Variants in LTA4H observed in about 807,000 individuals in gnomAD.
LTA4H encodes the protein leukotriene A4 hydrolase, also known as leukotriene A-4 hydrolase.
Under a neutral mutation model 89.8 loss-of-function variants are expected in LTA4H, and 59 were observed. The ratio of observed to expected loss-of-function variants is 0.66; its 90% CI spans 0.53 to 0.82. LTA4H has a LOEUF of 0.82. Among genes scored for constraint, LTA4H ranks in the 40% least tolerant of loss-of-function variants. The probability of loss-of-function intolerance (pLI) is 0.00; values close to 1 mark genes in which losing one functional copy is unlikely to be tolerated. For synonymous variants in LTA4H, 227 were observed against 253.1 expected (o/e 0.90, Z 0.98); for missense variants, 617 against 727.0 (o/e 0.85, Z 1.74).
At chr12:96,020,957 T>C (rs1446265601) in intron 6 of LTA4H, 128 bp downstream of exon 6, 20 of 719,416 alleles carry the variant, frequency 2.8e-5, no homozygotes, top group Non-Finnish European at 4.7e-5. Flanking sequence ...TAGATTTGAA[T>C]TTTTCTAGAG....
At chr12:96,013,880 A>G in intron 12 of LTA4H, 27 bp from the exon 13 acceptor site, 1 of 1,001,280 alleles carries the variant, frequency 1.0e-6, no homozygotes, top group Non-Finnish European at 1.5e-6. Flanking sequence ...AAAGAAATCA[A>G]TTCATAGAAA....
At position 96,006,387 on chromosome 12, in the gene LTA4H, G is replaced by T; in HGVS notation, c.1457C>A (p.Ser486Ter). 1.2e-6 allele frequency: 2 copies of T among 1,609,308 alleles called. No homozygotes were observed. Among genetic ancestry groups the T allele is most frequent in the Non-Finnish European group, 1.7e-6 (2 of 1,176,934 alleles). The stretch of plus-strand genomic sequence containing the variant: ...ATCCTTCAGGTCTGTGGCATTGAAT[G>T]AATTTAAATCATCTTCTTTGGCCTG... ...WITAKEDDLN[S>*]FNATDLKDLS... The change falls in exon 16 of 19, where the codon TCA (serine) becomes TAA (stop). Residue 486 changes from serine to a stop codon, truncating the protein, a stop_gained. Transcript: ENST00000228740. LOFTEE classifies it high-confidence loss of function.
chr12:96,033,010 A>G (rs766655037), intron 1 of LTA4H, among the ~76,000 whole-genome samples: 10 of 152,196 alleles, frequency 6.6e-5, no homozygotes, highest in Non-Finnish European at 1.5e-4. Flanking sequence ...TACTAGGCTT[A>G]ATACCTGGGT....
chr12:96,027,904 T>G (rs1950529981), intron 2 of LTA4H: 2 of 163,132 alleles, frequency 1.2e-5, no homozygotes, highest in Admixed American at 6.4e-5. Context: ...AAATCATTTT[T>G]GGGGCTTCAA....
At chr12:96,041,263 T>A (rs1950684231) in intron 1 of LTA4H, among the ~76,000 whole-genome samples, 1 of 152,148 alleles carries the variant, frequency 6.6e-6, no homozygotes. Flanking sequence ...GTTCACTTTT[T>A]TGTTGTTGTT....
In LTA4H at chr12:96,019,181, T is replaced by C; in HGVS notation, c.698A>G (p.Tyr233Cys). 1 of 1,612,566 alleles carries C rather than the reference T, an allele frequency of 6.2e-7. No homozygotes were observed. Among genetic ancestry groups the C allele is most frequent in the South Asian group, 1.1e-5 (1 of 90,680 alleles). The change falls in exon 7 of 19, where the codon TAT becomes TGT. Residue 233 changes from tyrosine to cysteine, a missense_variant. Coordinates refer to ENST00000228740, the MANE Select transcript of LTA4H (RefSeq NM_000895.3). The stretch of plus-strand genomic sequence containing the variant: ...TAAATGACCAACCTCAGAAAACTCA[T>C]AAGCAGACTTTTCCACCTGCTCTTT... ...SEKEQVEKSA[Y>C]EFSETESMLK... is the part of the protein sequence containing the mutation.
At chr12:96,034,170 T>C (rs1398558060) in intron 1 of LTA4H, among the ~76,000 whole-genome samples, 1 of 152,194 alleles carries the variant, frequency 6.6e-6, no homozygotes, top group East Asian at 1.9e-4. Context: ...TCTGATCTGA[T>C]TGCTTATTGA....
At chr12:96,004,547 G>A (rs960177582) in intron 16 of LTA4H, among the ~76,000 whole-genome samples, 1 of 152,146 alleles carries the variant, frequency 6.6e-6, no homozygotes, top group African/African-American at 2.4e-5. Context: ...CTAAAAGGGA[G>A]GACAAGTTTG....
At chr12:96,028,692 G>A (rs149341396) in intron 2 of LTA4H, among the ~76,000 whole-genome samples, 14 of 152,250 alleles carry the variant, frequency 9.2e-5, no homozygotes, top group Non-Finnish European at 4.4e-5. Flanking sequence ...AAATGCAGCT[G>A]GCCTCTGGGG....
At chr12:96,004,607 G>A (rs1416362194) in intron 16 of LTA4H, among the ~76,000 whole-genome samples, 1 of 152,176 alleles carries the variant, frequency 6.6e-6, no homozygotes, top group Non-Finnish European at 1.5e-5. Context: ...CAGAGAGTTT[G>A]TAGTGCCTGT....
At chr12:96,008,462 A>G (rs1950241342) in intron 15 of LTA4H, among the ~76,000 whole-genome samples, 1 of 152,182 alleles carries the variant, frequency 6.6e-6, no homozygotes, top group South Asian at 2.1e-4. Flanking sequence ...TTTACCTGGT[A>G]TGTGAAATTG....
At chr12:96,003,120 T>C in intron 17 of LTA4H, 56 bp from the exon 18 acceptor site, 2 of 1,089,930 alleles carry the variant, frequency 1.8e-6, no homozygotes, top group Non-Finnish European at 2.8e-6. Flanking sequence ...GGGCAGGATA[T>C]GACAGGTATA....
upstream of LTA4H, among the ~76,000 whole-genome samples, chr12:96,039,126 G>A (rs888249207): frequency 2.0e-5 from 3 of 151,950 alleles, no homozygotes; most frequent in African/African-American, 7.3e-5. Flanking sequence ...GGCCCACACC[G>A]GTAATCCCAG....
intron 18 of LTA4H, 115 bp from the exon 19 acceptor site, chr12:96,001,221 A>C (rs1036676140): frequency 5.9e-6 from 4 of 683,120 alleles, no homozygotes; most frequent in African/African-American, 5.4e-5. Context: ...GGAAAAAGGA[A>C]GGAGAAAGAG....
intron 12 of LTA4H, 76 bp from the exon 13 acceptor site, chr12:96,013,929 T>A: frequency 1.4e-6 from 1 of 693,404 alleles, no homozygotes; most frequent in Non-Finnish European, 2.6e-6. Flanking sequence ...TTTGGCATTG[T>A]ACTATTAACC....
chr12:96,005,818 G>A (rs1483903877), intron 16 of LTA4H, among the ~76,000 whole-genome samples: 6 of 151,580 alleles, frequency 4.0e-5, no homozygotes, highest in East Asian at 3.9e-4. Context: ...GTGTGATCTC[G>A]GCTCACTGCA....
intron 1 of LTA4H, among the ~76,000 whole-genome samples, chr12:96,033,256 C>T (rs1478473403): frequency 2.6e-5 from 4 of 152,154 alleles, no homozygotes; most frequent in African/African-American, 9.7e-5. Context: ...AGAACAAGAA[C>T]TTTCCAGTTA....
At chr12:96,018,071 TG>T (rs1330642545) in intron 8 of LTA4H, among the ~76,000 whole-genome samples, 2 of 152,310 alleles carry the variant, frequency 1.3e-5, no homozygotes, top group African/African-American at 4.8e-5. Flanking sequence ...AATCCTTTCC[TG>T]TACATGGTGT....
intron 13 of LTA4H, among the ~76,000 whole-genome samples, 189 bp from the exon 14 acceptor site, chr12:96,013,447 C>A (rs577484883): frequency 1.3e-5 from 2 of 152,008 alleles, no homozygotes; most frequent in Admixed American, 6.6e-5. Context: ...TGACACAATG[C>A]GATGTTTTGA....
Sources: gnomAD v4.1 joint callset for allele counts (sites outside exome capture counted in the v4.1 genomes callset) on GRCh38, gnomAD v4.1.1 for gene constraint, MANE v1.5 for transcripts, NCBI Gene and HGNC (gene_info 2026-07-23, HGNC 2026-07-21) for gene names.